The following ZNF3 variants were observed in gnomAD, a reference collection of about 807,000 sequenced individuals.
ZNF3 encodes zinc finger protein 3.
ZNF3 carries 16 observed loss-of-function variants against 36.9 expected under a neutral mutation model. That is an observed-to-expected ratio of 0.43 (90% CI 0.29 to 0.66). The LOEUF (loss-of-function observed/expected upper bound fraction) is 0.66. ZNF3 is among the 30% of genes least tolerant of loss of function. ZNF3 has a pLI of 0.13. For missense variants in ZNF3, 462 were observed against 543.1 expected, an observed-to-expected ratio of 0.85 and a Z score of 1.48; for synonymous variants, 201 against 201.9, an observed-to-expected ratio of 1.00 and a Z score of 0.04.
Position 100,071,169 on chromosome 7 carries a change from C to A in ZNF3, c.1315G>T (p.Glu439Ter). Residue 439 changes from glutamate (E) to a stop codon, truncating the protein, a stop_gained, in exon 6 of 6, where the codon GAG becomes TAG. Coordinates refer to ENST00000299667, the MANE Select transcript of ZNF3 (RefSeq NM_032924.5). LOFTEE classifies it high-confidence loss of function. Reference sequence around the variant, plus strand: ...CACGTGGACTCTCTGATATTTAACTCGGTCGTAACTCTGAGGGAGCTTTTG... The same window carrying A: ...CACGTGGACTCTCTGATATTTAACTAGGTCGTAACTCTGAGGGAGCTTTTG... ...MSKSSLRVTT[E>*]LNIREST 2 of 1,598,700 alleles carry A rather than the reference C, an allele frequency of 1.3e-6. No homozygotes were observed. The highest frequency in any genetic ancestry group is 1.7e-6 in the Non-Finnish European group (2 of 1,171,524).
At chr7:100,072,642 G>C (rs1298809027) in intron 5 of ZNF3, among the ~76,000 whole-genome samples, 3 of 152,132 alleles carry the variant, frequency 2.0e-5, no homozygotes, top group African/African-American at 7.2e-5. Context: ...GGTGAGGAGA[G>C]ACAGCAGCAG....
At chr7:100,075,811 G>A (rs1162247202) in intron 3 of ZNF3, among the ~76,000 whole-genome samples, 181 bp from the exon 4 acceptor site, 1 of 152,152 alleles carries the variant, frequency 6.6e-6, no homozygotes, top group African/African-American at 2.4e-5. Flanking sequence ...GGCAAACTCA[G>A]AGCGAGTCCA....
chr7:100,078,326 C>A (rs1263029527), intron 2 of ZNF3, among the ~76,000 whole-genome samples: 1 of 151,008 alleles, frequency 6.6e-6, no homozygotes, highest in East Asian at 2.0e-4. Flanking sequence ...GAAACCCCAT[C>A]TCTACTAAAA....
intron 4 of ZNF3, 79 bp from the exon 5 acceptor site, chr7:100,075,340 G>C: frequency 1.2e-6 from 2 of 1,610,866 alleles, no homozygotes; most frequent in Non-Finnish European, 1.7e-6. Context: ...TGAGGATGGG[G>C]TGAAAAATGC....
chr7:100,080,911 C>T (rs1794899952), intron 1 of ZNF3, among the ~76,000 whole-genome samples: 2 of 152,256 alleles, frequency 1.3e-5, no homozygotes, highest in African/African-American at 4.8e-5. Context: ...CCACAGATGT[C>T]TTTTCTGGAG....
At chr7:100,080,763 G>A (rs1244547353) in intron 1 of ZNF3, among the ~76,000 whole-genome samples, 1 of 152,190 alleles carries the variant, frequency 6.6e-6, no homozygotes, top group Non-Finnish European at 1.5e-5. Flanking sequence ...AGTGAGCCGA[G>A]ATCGCGCCAC....
chr7:100,075,392 GAGAC>G (rs1330142280), intron 4 of ZNF3, 131 bp from the exon 5 acceptor site: 8 of 1,546,690 alleles, frequency 5.2e-6, no homozygotes, highest in African/African-American at 1.4e-5. Flanking sequence ...TGGAGGAAGA[GAGAC>G]AGGAGTCCAA....
At chr7:100,072,261 A>G in intron 5 of ZNF3, 49 bp from the exon 6 acceptor site, 1 of 1,466,818 alleles carries the variant, frequency 6.8e-7, no homozygotes, top group Non-Finnish European at 9.2e-7. Context: ...GGGAAGAAAG[A>G]GTGAAAATCA....
rs200414532 is a variant in ZNF3 at position 100,071,311 on chromosome 7, G to T, written c.1173C>A (p.Thr391=). The part of the protein sequence containing the change: ...SGLIQHQRIH[T]GENPYECSEC... The stretch of plus-strand genomic sequence containing the variant: ...CACTACATTCATAGGGGTTCTCCCC[G>T]GTGTGGATTCTTTGATGCTGAATAA... Residue 391 remains threonine, a synonymous_variant, in exon 6 of 6, where the codon ACC becomes ACA. Coordinates refer to ENST00000299667, the MANE Select transcript of ZNF3 (RefSeq NM_032924.5). 2.2e-5 allele frequency: 35 copies of T among 1,613,692 alleles called. No homozygotes were observed. Among genetic ancestry groups the T allele is most frequent in the Non-Finnish European group, 2.7e-5 (32 of 1,179,944 alleles).
Position 100,070,445 on chromosome 7 carries a change from C to G in ZNF3, c.*698G>C. 1 of 985,514 alleles carries G rather than the reference C, an allele frequency of 1.0e-6. No individual in the cohort carries two copies. The highest frequency in any genetic ancestry group is 1.2e-6 in the Non-Finnish European group (1 of 830,008). The allele number at this position is 985,514 out of a possible 1,614,324, so 61.0% of individuals were successfully genotyped here. A position where few individuals can be genotyped will look rare whatever the true frequency, so the allele number is the denominator to read the frequency against. ...CCTCTCCCTCACAGCCGGTTACTAG[C>G]TGTTTGGACAGATTTGCCCATTCAG... On this transcript the variant is annotated 3_prime_UTR_variant, in exon 6 of 6. Transcript: ENST00000299667.
In ZNF3 at chr7:100,070,667, C is replaced by T. The variant is rs1000842564; in HGVS notation, c.*476G>A. 3.0e-6 allele frequency: 3 copies of T among 990,946 alleles called. No homozygotes were observed. Among genetic ancestry groups the T allele is most frequent in the Non-Finnish European group, 1.2e-6 (1 of 833,052 alleles). 61.4% of individuals were successfully genotyped at this position (990,946 alleles called of 1,614,324 possible). ...TAATTAACGAAATCATGAAACAAAA[C>T]AGCATGTTTCTTACCGAAACTTAAA... On this transcript the variant is annotated 3_prime_UTR_variant, in exon 6 of 6. Transcript: ENST00000299667.
chr7:100,064,331 A>G (rs1792517390), exon 6 of ZNF3: 1 of 1,613,772 alleles, frequency 6.2e-7, no homozygotes, highest in African/African-American at 1.3e-5. Flanking sequence ...ATTCGTCACT[A>G]TCGGATCCAC....
At position 100,070,727 on chromosome 7, in the gene ZNF3, C is replaced by G. The variant is rs755398469; in HGVS notation, c.*416G>C. On this transcript the variant is annotated 3_prime_UTR_variant, in exon 6 of 6. Coordinates refer to ENST00000299667, the MANE Select transcript of ZNF3 (RefSeq NM_032924.5). ...GGAACAGTAGCTTTGAAATAGTCTC[C>G]CTTTACCCTCCCTAGCAAATAACAG... 78 of 1,004,564 alleles carry G rather than the reference C, an allele frequency of 7.8e-5. No homozygotes were observed. Among genetic ancestry groups the G allele is most frequent in the Non-Finnish European group, 8.3e-5 (70 of 840,864 alleles). The allele number at this position is 1,004,564 out of a possible 1,614,324, so 62.2% of individuals were successfully genotyped here.
At chr7:100,069,930 C>A (rs1363885925), downstream of ZNF3, 8 of 985,740 alleles carry the variant, frequency 8.1e-6, no homozygotes, top group Middle Eastern at 5.2e-4. Flanking sequence ...CTTGTTTTAA[C>A]TGAAATATAT....
chr7:100,064,902 G>A (rs1792564893), exon 6 of ZNF3: 5 of 1,613,808 alleles, frequency 3.1e-6, no homozygotes, highest in Admixed American at 1.7e-5. Flanking sequence ...TTAAACAGAC[G>A]TGTATCCAGT....
intron 3 of ZNF3, among the ~76,000 whole-genome samples, chr7:100,076,290 TTC>T (rs1224299063): frequency 2.0e-5 from 3 of 151,944 alleles, no homozygotes; most frequent in African/African-American, 7.3e-5. Flanking sequence ...TTTTCTGCAA[TTC>T]TTTTTTTTTT....
chr7:100,064,086 A>C lies in ZNF3; in HGVS notation c.*702T>G, dbSNP rs1015116495. 1.9e-6 allele frequency: 3 copies of C among 1,614,078 alleles called. No individual in the cohort carries two copies. In the African/African-American group the frequency reaches 4.0e-5, roughly 22 times the overall value. Reference sequence around the variant, plus strand: ...GCTCAAATCTCACCAAACACAGGAGAACACACACTGGGGAGAAACCTTACG... The same window carrying C: ...GCTCAAATCTCACCAAACACAGGAGCACACACACTGGGGAGAAACCTTACG... On this transcript the variant is annotated 3_prime_UTR_variant, in exon 6 of 6. Transcript: ENST00000413658.
chr7:100,068,893 C>T (rs563149891), downstream of ZNF3, among the ~76,000 whole-genome samples: 5 of 151,804 alleles, frequency 3.3e-5, no homozygotes, highest in African/African-American at 4.8e-5. Context: ...CTTGGTTCAC[C>T]GCAACCACTG....
downstream of ZNF3, among the ~76,000 whole-genome samples, chr7:100,066,879 G>A (rs1229625604): frequency 1.5e-4 from 22 of 149,008 alleles, no homozygotes; most frequent in Admixed American, 1.5e-3. Context: ...TACTAAAAAT[G>A]CAAAAATTAG....
Sources: gnomAD v4.1 joint callset for allele counts (sites outside exome capture counted in the v4.1 genomes callset) on GRCh38, gnomAD v4.1.1 for gene constraint, MANE v1.5 for transcripts, NCBI Gene and HGNC (gene_info 2026-07-23, HGNC 2026-07-21) for gene names.